The following ZDHHC14 variants were observed in gnomAD, a reference collection of about 807,000 sequenced individuals.
The protein encoded by ZDHHC14 is zDHHC palmitoyltransferase 14.
A neutral mutation model predicts 47.7 loss-of-function variants in ZDHHC14; 16 were observed. The ratio of observed to expected loss-of-function variants is 0.34; its 90% CI spans 0.23 to 0.51. The LOEUF (loss-of-function observed/expected upper bound fraction) is 0.51. ZDHHC14 is among the 20% of genes least tolerant of loss of function. The probability of loss-of-function intolerance (pLI) is 0.97; values close to 1 mark genes in which losing one functional copy is unlikely to be tolerated. For synonymous variants in ZDHHC14, 293 were observed against 278.9 expected, an observed-to-expected ratio of 1.05 and a Z score of -0.50; for missense variants, 515 against 662.5, an observed-to-expected ratio of 0.78 and a Z score of 2.44.
intron 1 of ZDHHC14, among the ~76,000 whole-genome samples, chr6:157,519,059 G>T (rs1043477755): frequency 6.6e-6 from 1 of 152,226 alleles, no homozygotes; most frequent in African/African-American, 2.4e-5. Context: ...TATGAGGGCT[G>T]GCTCATGGCT....
At chr6:157,587,163 G>A (rs904220092) in intron 2 of ZDHHC14, among the ~76,000 whole-genome samples, 39 of 152,246 alleles carry the variant, frequency 2.6e-4, no homozygotes, top group African/African-American at 9.4e-4. Context: ...AAGATATCAG[G>A]TCTAGTTTTT....
chr6:157,523,772 G>A (rs893828629), intron 1 of ZDHHC14, among the ~76,000 whole-genome samples: 14 of 151,630 alleles, frequency 9.2e-5, no homozygotes, highest in African/African-American at 2.7e-4. Context: ...ACAGTTGTGC[G>A]TGCCTGTAGT....
chr6:157,505,201 AG>A (rs1430248259), intron 1 of ZDHHC14, among the ~76,000 whole-genome samples: 2 of 152,266 alleles, frequency 1.3e-5, no homozygotes, highest in Non-Finnish European at 2.9e-5. Flanking sequence ...TTTAAAAGCA[AG>A]GACAGTTTCC....
At chr6:157,628,219 G>T in intron 3 of ZDHHC14, 130 bp from the exon 4 acceptor site, 4 of 928,708 alleles carry the variant, frequency 4.3e-6, no homozygotes, top group Non-Finnish European at 6.0e-6. Context: ...GGTTAATTTG[G>T]AAATATGCAG....
chr6:157,562,358 C>G (rs919237326), intron 2 of ZDHHC14, among the ~76,000 whole-genome samples: 27 of 152,174 alleles, frequency 1.8e-4, no homozygotes, highest in African/African-American at 6.5e-4. Context: ...GCAGAAGCTC[C>G]CAGGGTGGAC....
chr6:157,513,165 C>G (rs756792984), intron 1 of ZDHHC14, among the ~76,000 whole-genome samples: 3 of 152,202 alleles, frequency 2.0e-5, no homozygotes, highest in Non-Finnish European at 4.4e-5. Flanking sequence ...TCAGCTTGTT[C>G]GTGACGTCTC....
Position 157,559,224 on chromosome 6 carries a change from C to T in ZDHHC14, c.406+16479C>T, listed in dbSNP as rs34018740. Among the ~76,000 whole-genome samples the T allele has an allele frequency of 1.6e-3, 249 of 152,280 alleles. 5 individuals carry two copies. In the East Asian group the frequency reaches 0.041, roughly 25 times the overall value. Reference sequence around the variant, plus strand: ...AGGTGATTCACGAGGATGTGGTGGTCGGCCATCTCTCTGGGACAAGTGGGC... The same window carrying T: ...AGGTGATTCACGAGGATGTGGTGGTTGGCCATCTCTCTGGGACAAGTGGGC... On this transcript the variant is annotated intron_variant, in intron 2 of 8. Transcript: ENST00000359775.
chr6:157,528,506 C>T (rs1781242473), intron 1 of ZDHHC14, among the ~76,000 whole-genome samples: 1 of 151,762 alleles, frequency 6.6e-6, no homozygotes, highest in Non-Finnish European at 1.5e-5. Flanking sequence ...CTGAGGCGGG[C>T]AGATCACGAG....
At chr6:157,438,178 C>G (rs928313820) in intron 1 of ZDHHC14, among the ~76,000 whole-genome samples, 1 of 151,968 alleles carries the variant, frequency 6.6e-6, no homozygotes, top group Non-Finnish European at 1.5e-5. Context: ...GTAATTTACC[C>G]AGAAAAAAAT....
At chr6:157,465,163 GA>G (rs1377976233) in intron 1 of ZDHHC14, among the ~76,000 whole-genome samples, 8 of 100,164 alleles carry the variant, frequency 8.0e-5, no homozygotes, top group South Asian at 6.5e-4. Context: ...TTGAACCAAT[GA>G]AAAAAAAAGA....
intron 2 of ZDHHC14, 111 bp from the exon 3 acceptor site, chr6:157,592,877 C>G: frequency 6.7e-7 from 1 of 1,497,234 alleles, no homozygotes; most frequent in South Asian, 1.4e-5. Flanking sequence ...ACCGGGGGCC[C>G]TGCCAGCCGC....
chr6:157,528,433 ATTT>A (rs759987318), intron 1 of ZDHHC14, among the ~76,000 whole-genome samples: 19 of 152,078 alleles, frequency 1.2e-4, no homozygotes, highest in Non-Finnish European at 2.4e-4. Context: ...TAATCAATTA[ATTT>A]AAAAAGCACG....
At position 157,559,704 on chromosome 6, in the gene ZDHHC14, A is replaced by G. The variant is rs111619945; in HGVS notation, c.406+16959A>G. Among the ~76,000 whole-genome samples, 1,144 of 152,310 alleles carry G rather than the reference A, an allele frequency of 7.5e-3. 15 individuals carry two copies. The highest frequency in any genetic ancestry group is 0.026 in the African/African-American group (1,085 of 41,558). The stretch of plus-strand genomic sequence containing the variant: ...CAAGCTCCAGGTTGTCATGAATACT[A>G]TTTTGGAGTTGGACCCATTATAAAT... On this transcript the variant is annotated intron_variant, in intron 2 of 8. Transcript: ENST00000359775.
chr6:157,645,666 G>GTT, intron 5 of ZDHHC14, 71 bp from the exon 6 acceptor site: 1 of 1,298,874 alleles, frequency 7.7e-7, no homozygotes, highest in Non-Finnish European at 1.1e-6. Flanking sequence ...GGGTGTTTCG[G>GTT]TTCCAGGCCT....
intron 3 of ZDHHC14, among the ~76,000 whole-genome samples, chr6:157,614,995 C>T (rs1253797871): frequency 6.6e-6 from 1 of 152,132 alleles, no homozygotes; most frequent in African/African-American, 2.4e-5. Flanking sequence ...TCTCAAACTC[C>T]TGACCTCAGG....
intron 7 of ZDHHC14, among the ~76,000 whole-genome samples, chr6:157,648,488 T>C (rs1162804592): frequency 2.1e-5 from 2 of 94,910 alleles, no homozygotes; most frequent in Non-Finnish European, 4.1e-5. Flanking sequence ...TGCACTGGCA[T>C]TGAGTTATTA....
chr6:157,453,788 T>TTTTTTTTTGTGTGTGTGTGTGTG (rs3220439), intron 1 of ZDHHC14, among the ~76,000 whole-genome samples: 3 of 148,096 alleles, frequency 2.0e-5, no homozygotes, highest in African/African-American at 7.6e-5. Flanking sequence ...TTTTTGTGTT[T>TTTTTTTTTGTGTGTGTGTGTGTG]TGTGTGTGTG....
chr6:157,419,798 G>C (rs762779204), intron 1 of ZDHHC14, among the ~76,000 whole-genome samples: 2 of 152,194 alleles, frequency 1.3e-5, no homozygotes, highest in Non-Finnish European at 2.9e-5. Context: ...GTGGACATAA[G>C]TTTTCAGGGG....
intron 1 of ZDHHC14, among the ~76,000 whole-genome samples, chr6:157,451,518 A>G (rs938754174): frequency 6.6e-6 from 1 of 152,242 alleles, no homozygotes; most frequent in Non-Finnish European, 1.5e-5. Flanking sequence ...ATAAATGAGT[A>G]TATGAATTAA....
Sources: gnomAD v4.1 joint callset for allele counts (sites outside exome capture counted in the v4.1 genomes callset) on GRCh38, gnomAD v4.1.1 for gene constraint, MANE v1.5 for transcripts, NCBI Gene and HGNC (gene_info 2026-07-23, HGNC 2026-07-21) for gene names.